Variants in CR1L observed in about 807,000 individuals in gnomAD.
CR1L encodes the protein complement C3b/C4b receptor 1 like.
Under a neutral mutation model 62.3 loss-of-function variants are expected in CR1L, and 59 were observed. The observed-to-expected ratio is 0.95, with a 90% CI of 0.77 to 1.18. The LOEUF (loss-of-function observed/expected upper bound fraction) is 1.18. Ranked by LOEUF, CR1L falls within the 50% of genes most tolerant of loss-of-function variation. The pLI, the probability that CR1L is intolerant of heterozygous loss-of-function variation, is 0.00. For missense variants in CR1L, 700 were observed against 702.8 expected (o/e 1.00, Z 0.04); for synonymous variants, 279 against 248.7 (o/e 1.12, Z -1.15).
chr1:207,690,229 A>G (rs1028789507), intron 4 of CR1L, among the ~76,000 whole-genome samples: 2 of 152,124 alleles, frequency 1.3e-5, no homozygotes, highest in Non-Finnish European at 2.9e-5. Flanking sequence ...TATACATTTA[A>G]CCTATACATT....
chr1:207,721,516 T>G (rs1654137200), intron 11 of CR1L, among the ~76,000 whole-genome samples: 1 of 151,268 alleles, frequency 6.6e-6, no homozygotes, highest in Non-Finnish European at 1.5e-5. Flanking sequence ...ACAAAGGACA[T>G]GAACTCATCA....
intron 1 of CR1L, among the ~76,000 whole-genome samples, chr1:207,674,948 G>C (rs777952576): frequency 1.3e-5 from 2 of 151,914 alleles, no homozygotes; most frequent in African/African-American, 2.4e-5. Context: ...AGACTCCTGG[G>C]CTCTAACCCA....
intron 1 of CR1L, among the ~76,000 whole-genome samples, chr1:207,647,762 A>G (rs1663153367): frequency 6.6e-6 from 1 of 152,164 alleles, no homozygotes; most frequent in African/African-American, 2.4e-5. Flanking sequence ...TGAGGGCCAG[A>G]AAGGATCTGT....
chr1:207,647,980 A>G (rs1044308717), intron 1 of CR1L, among the ~76,000 whole-genome samples: 8 of 152,294 alleles, frequency 5.3e-5, no homozygotes, highest in African/African-American at 1.9e-4. Context: ...CATCATAAGG[A>G]GAGCCCACCT....
intron 1 of CR1L, among the ~76,000 whole-genome samples, chr1:207,649,036 G>A (rs990361343): frequency 6.6e-6 from 1 of 152,182 alleles, no homozygotes; most frequent in African/African-American, 2.4e-5. Context: ...AATGGAGTCG[G>A]CCTTGTTAAC....
chr1:207,672,560 C>T (rs574948109), intron 1 of CR1L, among the ~76,000 whole-genome samples: 2 of 152,126 alleles, frequency 1.3e-5, no homozygotes, highest in South Asian at 4.2e-4. Flanking sequence ...ACAGCACCAT[C>T]AATCCACTTG....
At chr1:207,680,356 A>C (rs1663776569) in intron 3 of CR1L, among the ~76,000 whole-genome samples, 1 of 152,230 alleles carries the variant, frequency 6.6e-6, no homozygotes, top group African/African-American at 2.4e-5. Context: ...CACACAGTCG[A>C]GTACAGGTAA....
At chr1:207,682,699 C>G (rs1382740236) in intron 3 of CR1L, among the ~76,000 whole-genome samples, 2 of 152,168 alleles carry the variant, frequency 1.3e-5, no homozygotes, top group African/African-American at 4.8e-5. Flanking sequence ...ATGACTGTTA[C>G]TTGACATTGC....
chr1:207,662,785 C>T (rs1663445711), intron 1 of CR1L, among the ~76,000 whole-genome samples: 1 of 152,102 alleles, frequency 6.6e-6, no homozygotes, highest in Non-Finnish European at 1.5e-5. Context: ...GTTTTATCTA[C>T]CTTTGGTCTT....
At chr1:207,694,915 T>C (rs1664052619) in intron 5 of CR1L, among the ~76,000 whole-genome samples, 164 bp downstream of exon 5, 1 of 152,212 alleles carries the variant, frequency 6.6e-6, no homozygotes, top group Non-Finnish European at 1.5e-5. Context: ...TACATGCAGA[T>C]GTGCTGAAAT....
chr1:207,700,558 T>A (rs769747948), intron 8 of CR1L, among the ~76,000 whole-genome samples: 1 of 152,178 alleles, frequency 6.6e-6, no homozygotes, highest in Non-Finnish European at 1.5e-5. Context: ...CAACAGACCT[T>A]GACATTTTCA....
At chr1:207,653,508 G>C (rs1013414549) in intron 1 of CR1L, among the ~76,000 whole-genome samples, 1 of 152,202 alleles carries the variant, frequency 6.6e-6, no homozygotes, top group Non-Finnish European at 1.5e-5. Flanking sequence ...AGTTAAAGTA[G>C]GGCTCACAGA....
intron 7 of CR1L, among the ~76,000 whole-genome samples, chr1:207,698,392 A>G (rs1664140969): frequency 6.6e-6 from 1 of 152,198 alleles, no homozygotes; most frequent in Admixed American, 6.5e-5. Flanking sequence ...CTGGCTAGTC[A>G]TGGGCTCTGG....
intron 10 of CR1L, chr1:207,710,452 C>G (rs1571534580): frequency 1.3e-6 from 2 of 1,593,368 alleles, no homozygotes; most frequent in East Asian, 4.5e-5. Context: ...AGTATTTTCA[C>G]TATGGATCAG....
At chr1:207,686,701 G>T (rs1663917156) in intron 4 of CR1L, among the ~76,000 whole-genome samples, 1 of 152,028 alleles carries the variant, frequency 6.6e-6, no homozygotes, top group African/African-American at 2.4e-5. Context: ...ACACAATTCA[G>T]TGGTATTTAG....
At chr1:207,687,843 A>G (rs1663936297) in intron 4 of CR1L, among the ~76,000 whole-genome samples, 1 of 152,208 alleles carries the variant, frequency 6.6e-6, no homozygotes, top group Admixed American at 6.5e-5. Flanking sequence ...AATGTAACAC[A>G]AATGTTGTCT....
chr1:207,652,682 C>A, intron 1 of CR1L: 1 of 970,704 alleles, frequency 1.0e-6, no homozygotes, highest in Non-Finnish European at 1.7e-6. Flanking sequence ...GCCACCCATA[C>A]TATTTGTGAT....
intron 1 of CR1L, among the ~76,000 whole-genome samples, chr1:207,661,992 G>A (rs1663432108): frequency 6.6e-6 from 1 of 152,184 alleles, no homozygotes; most frequent in Non-Finnish European, 1.5e-5. Context: ...CTTCTGGCTT[G>A]TAGAGTTTCT....
At chr1:207,665,429 C>A (rs1199692469) in intron 1 of CR1L, among the ~76,000 whole-genome samples, 1 of 151,068 alleles carries the variant, frequency 6.6e-6, no homozygotes, top group Non-Finnish European at 1.5e-5. Flanking sequence ...TGGAGCCTTG[C>A]TCTGTCACCC....
Sources: allele counts gnomAD v4.1 joint callset (sites outside exome capture counted in the v4.1 genomes callset), GRCh38; gene constraint gnomAD v4.1.1; transcripts MANE v1.5; gene names NCBI Gene and HGNC (gene_info 2026-07-23, HGNC 2026-07-21).